Variants in PTPRB observed in about 807,000 individuals in gnomAD.
PTPRB encodes the protein receptor-type tyrosine-protein phosphatase beta.
A neutral mutation model predicts 238.1 loss-of-function variants in PTPRB; 97 were observed. That is an observed-to-expected ratio of 0.41 (90% CI 0.35 to 0.48). The LOEUF is 0.48. Among genes scored for constraint, PTPRB ranks in the 20% least tolerant of loss-of-function variants. PTPRB has a pLI of 0.30. For synonymous variants in PTPRB, 970 were observed against 995.4 expected (o/e 0.97, Z 0.48); for missense variants, 2,292 against 2,681.9 (o/e 0.85, Z 3.21).
Position 70,563,007 on chromosome 12 carries a change from G to T in PTPRB, c.4005C>A (p.Ile1335=). Residue 1335 remains isoleucine (I), a synonymous_variant, in exon 16 of 34, where the codon ATC becomes ATA. Transcript: ENST00000334414. ...GATTCCCATCTGGGTTGTACAAAAA[G>T]ATGTTGTACCAGCTGAGCTCCCCCT... The part of the protein sequence containing the change: ...ASEGELSWYN[I]FLYNPDGNLQ... 1 of 1,613,970 alleles carries T rather than the reference G, an allele frequency of 6.2e-7. No homozygotes were observed. The highest frequency in any genetic ancestry group is 1.1e-5 in the South Asian group (1 of 91,076).
chr12:70,538,894 C>T lies in PTPRB; in HGVS notation c.5869+30G>A, dbSNP rs143394404. Reference sequence around the variant, plus strand: ...AAATGCAGAAATGGCTAGAGGAAGACAGTATTACAAATTTTGACACAAAAC... The same window carrying T: ...AAATGCAGAAATGGCTAGAGGAAGATAGTATTACAAATTTTGACACAAAAC... On this transcript the variant is annotated intron_variant, in intron 27 of 33. Coordinates refer to ENST00000334414, the MANE Select transcript of PTPRB (RefSeq NM_001109754.4). 949 of 1,547,090 alleles carry T rather than the reference C, an allele frequency of 6.1e-4. 8 individuals carry two copies. In the East Asian group the frequency reaches 9.2e-3, roughly 15 times the overall value.
intron 33 of PTPRB, chr12:70,522,662 T>C (rs1871776319): frequency 6.6e-6 from 1 of 152,076 alleles, no homozygotes; most frequent in Non-Finnish European, 1.5e-5. Flanking sequence ...AATTTCCCAC[T>C]TGAAAAGTGT....
At chr12:70,573,842 T>C (rs983224360) in intron 11 of PTPRB, among the ~76,000 whole-genome samples, 1 of 152,112 alleles carries the variant, frequency 6.6e-6, no homozygotes, top group Non-Finnish European at 1.5e-5. Context: ...TTCTTTCTAA[T>C]ATATGAACGA....
chr12:70,585,898 T>C (rs1017550178), intron 9 of PTPRB, among the ~76,000 whole-genome samples: 1 of 152,102 alleles, frequency 6.6e-6, no homozygotes, highest in African/African-American at 2.4e-5. Context: ...CATGTGGTGT[T>C]TGATTTTCTG....
At chr12:70,594,324 G>T in intron 6 of PTPRB, 143 bp downstream of exon 6, 3 of 1,157,314 alleles carry the variant, frequency 2.6e-6, no homozygotes, top group Non-Finnish European at 3.5e-6. Context: ...CTTTTTCTGA[G>T]TAGAAAAGTG....
At chr12:70,566,763 C>A in intron 14 of PTPRB, 59 bp from the exon 15 acceptor site, 1 of 1,548,374 alleles carries the variant, frequency 6.5e-7, no homozygotes, top group Non-Finnish European at 8.7e-7. Flanking sequence ...GTAAAGTCAT[C>A]AATTGAGAAA....
At chr12:70,527,859 A>C (rs1872640512) in intron 32 of PTPRB, 1 of 152,194 alleles carries the variant, frequency 6.6e-6, no homozygotes, top group African/African-American at 2.4e-5. Flanking sequence ...ACCCCTCTGC[A>C]CCCACTCCCA....
rs770202701 is a variant in PTPRB at position 70,590,114 on chromosome 12, A to G, written c.1900T>C (p.Ser634Pro). Reference sequence around the variant, plus strand: ...ACAGTGATGTTGAGCAGCACCACAGAATCATTGAAGAGTAGGATCCGATAC... The same window carrying G: ...ACAGTGATGTTGAGCAGCACCACAGGATCATTGAAGAGTAGGATCCGATAC... Reference protein sequence around the residue: ...EQYRILLFNDSVVLLNITVGK... With the variant: ...EQYRILLFNDPVVLLNITVGK... The change falls in exon 8 of 34, where the codon TCT (serine) becomes CCT (proline). Residue 634 changes from serine to proline, a missense_variant. This residue lies in a region of PTPRB where 1,205 missense variants were observed against 1,287.8 expected (regional missense o/e 0.94). Coordinates refer to ENST00000334414, the MANE Select transcript of PTPRB (RefSeq NM_001109754.4). 1 of 1,613,926 alleles carries G rather than the reference A, an allele frequency of 6.2e-7. No homozygotes were observed. The highest frequency in any genetic ancestry group is 1.1e-5 in the South Asian group (1 of 91,064).
intron 2 of PTPRB, among the ~76,000 whole-genome samples, chr12:70,629,757 A>G (rs1885361007): frequency 6.6e-6 from 1 of 151,140 alleles, no homozygotes. Context: ...AAAAATGATA[A>G]AGGGATATCA....
Position 70,576,472 on chromosome 12 carries a change from T to C in PTPRB, c.2752A>G (p.Ser918Gly). The C allele has an allele frequency of 6.3e-7, 1 of 1,592,886 alleles. No individual in the cohort carries two copies. Among genetic ancestry groups the C allele is most frequent in the Non-Finnish European group, 8.6e-7 (1 of 1,168,550 alleles). ...TAGAGGCGGCCTGGGGTGAGGGAGC[T>C]GAAGGAACATTCTCTGACAGACTTG... is the stretch of plus-strand genomic sequence containing the variant. ...IAKSVRECSFSSLTPGRLYTV... is the reference protein window; with the variant it reads ...IAKSVRECSFGSLTPGRLYTV... The change falls in exon 11 of 34, where the codon AGC (serine) becomes GGC (glycine). Residue 918 changes from serine (S) to glycine (G), a missense_variant. Ser to Gly is a moderately conservative substitution (Grantham distance 56). Transcript: ENST00000334414.
At chr12:70,632,047 A>G (rs1389607334) in intron 2 of PTPRB, among the ~76,000 whole-genome samples, 2 of 152,186 alleles carry the variant, frequency 1.3e-5, no homozygotes, top group East Asian at 3.9e-4. Flanking sequence ...AGAACTAGAA[A>G]TACCATTTGA....
At chr12:70,532,488 G>GA (rs1382956379) in intron 31 of PTPRB, among the ~76,000 whole-genome samples, 1 of 152,060 alleles carries the variant, frequency 6.6e-6, no homozygotes, top group Non-Finnish European at 1.5e-5. Context: ...ATTTATGTTT[G>GA]AAAAATCTAC....
Position 70,538,896 on chromosome 12 carries a change from G to A in PTPRB, c.5869+28C>T, listed in dbSNP as rs780700628. ...ATGCAGAAATGGCTAGAGGAAGACA[G>A]TATTACAAATTTTGACACAAAACTT... On this transcript the variant is annotated intron_variant, in intron 27 of 33. Transcript: ENST00000334414. The A allele has an allele frequency of 1.9e-6, 3 of 1,554,314 alleles. No individual in the cohort carries two copies. In the Admixed American group the frequency reaches 5.1e-5, roughly 27 times the overall value.
chr12:70,548,346 T>TCACACA (rs56848578), intron 21 of PTPRB, among the ~76,000 whole-genome samples: 35 of 97,104 alleles, frequency 3.6e-4, no homozygotes, highest in African/African-American at 9.9e-4. Context: ...TCTCTCTCTC[T>TCACACA]CACACACACA....
intron 21 of PTPRB, among the ~76,000 whole-genome samples, chr12:70,549,221 AT>A (rs1291694400): frequency 6.6e-6 from 1 of 152,208 alleles, no homozygotes; most frequent in African/African-American, 2.4e-5. Context: ...TATCTGATAG[AT>A]TTTTTTCCAC....
At chr12:70,629,917 G>A (rs1421437683) in intron 2 of PTPRB, among the ~76,000 whole-genome samples, 2 of 152,112 alleles carry the variant, frequency 1.3e-5, no homozygotes, top group East Asian at 3.8e-4. Context: ...TCTCTGAATA[G>A]ACCAATAACA....
intron 4 of PTPRB, among the ~76,000 whole-genome samples, chr12:70,606,831 A>C (rs1883990172): frequency 2.0e-5 from 3 of 152,250 alleles, no homozygotes; most frequent in African/African-American, 7.2e-5. Flanking sequence ...ACAATTTTTA[A>C]AATATCTTAT....
chr12:70,517,651 C>T lies in PTPRB; in HGVS notation c.*3838G>A, dbSNP rs1871296330. The T allele has an allele frequency of 6.6e-6, 1 of 152,122 alleles. No homozygotes were observed. The highest frequency in any genetic ancestry group is 2.1e-4 in the South Asian group (1 of 4,822). 9.4% of individuals were successfully genotyped at this position (152,122 alleles called of 1,614,324 possible). A position where few individuals can be genotyped will look rare whatever the true frequency, so the allele number is the denominator to read the frequency against. ...TTTCATTTCCTCAGTGAAATGGAAC[C>T]CAGAAAGCCCTTGAACTGCTATCAT... On this transcript the variant is annotated 3_prime_UTR_variant, in exon 34 of 34. Transcript: ENST00000334414.
At chr12:70,576,672 G>C (rs751529100) in intron 10 of PTPRB, 27 bp from the exon 11 acceptor site, 3 of 264,986 alleles carry the variant, frequency 1.1e-5, no homozygotes, top group African/African-American at 4.3e-5. Context: ...TGGGGGGCGG[G>C]GGGGGGGGGG....
Sources: gnomAD v4.1 joint callset for allele counts (sites outside exome capture counted in the v4.1 genomes callset) on GRCh38, gnomAD v4.1.1 for gene constraint, gnomAD v4.1.1 regional missense constraint, MANE v1.5 for transcripts, NCBI Gene and HGNC (gene_info 2026-07-23, HGNC 2026-07-21) for gene names.